The following TRPV2 variants were observed in gnomAD, a reference collection of about 807,000 sequenced individuals.
The protein encoded by TRPV2 is OTRPC2.
A neutral mutation model predicts 91.0 loss-of-function variants in TRPV2; 58 were observed. The ratio of observed to expected loss-of-function variants is 0.64; its 90% CI spans 0.52 to 0.79. TRPV2 has a LOEUF of 0.79. Ranked by LOEUF, TRPV2 falls within the 30% of genes least tolerant of loss-of-function variation. The probability of loss-of-function intolerance (pLI) is 0.00; values close to 1 mark genes in which losing one functional copy is unlikely to be tolerated. For missense variants in TRPV2, 807 were observed against 969.6 expected (o/e 0.83, Z 2.23); for synonymous variants, 417 against 414.8 (o/e 1.01, Z -0.06).
chr17:16,424,101 T>G (rs879724749), intron 5 of TRPV2, among the ~76,000 whole-genome samples: 2 of 151,972 alleles, frequency 1.3e-5, no homozygotes, highest in Non-Finnish European at 2.9e-5. Context: ...GCGATTCTCC[T>G]GCCTCAGCCT....
At chr17:16,434,750 A>C in intron 13 of TRPV2, 140 bp from the exon 14 acceptor site, 1 of 729,452 alleles carries the variant, frequency 1.4e-6, no homozygotes, top group Non-Finnish European at 2.2e-6. Context: ...TGCAGAGAAA[A>C]AGCCTGTCCT....
At position 16,426,274 on chromosome 17, in the gene TRPV2, G is replaced by A. The variant is rs201050432; in HGVS notation, c.1095+5G>A. On this transcript the variant is annotated splice_donor_5th_base_variant and intron_variant, in intron 6 of 14. Coordinates refer to ENST00000338560, the MANE Select transcript of TRPV2 (RefSeq NM_016113.5). The surrounding 1 kb of genome is among the most constrained non-coding windows in gnomAD (Gnocchi z 6.0). Reference sequence around the variant, plus strand: ...GCCTTTCATTGCAAGAGCCCGGTGAGCCCACAGGAGCATGGGTGCACGCAG... The same window carrying A: ...GCCTTTCATTGCAAGAGCCCGGTGAACCCACAGGAGCATGGGTGCACGCAG... 1.9e-6 allele frequency: 3 copies of A among 1,614,036 alleles called. No individual in the cohort carries two copies. The highest frequency in any genetic ancestry group is 2.5e-6 in the Non-Finnish European group (3 of 1,179,972).
chr17:16,431,898 AC>A (rs1160007778), intron 11 of TRPV2, 48 bp downstream of exon 11: 1 of 1,612,680 alleles, frequency 6.2e-7, no homozygotes, highest in Non-Finnish European at 8.5e-7. Context: ...TTCCTTGTCC[AC>A]CCTGTACACT....
In TRPV2 at chr17:16,418,641, A is replaced by T. The variant is rs1440385554; in HGVS notation, c.200+773A>T. On this transcript the variant is annotated intron_variant, in intron 2 of 14. Coordinates refer to ENST00000338560, the MANE Select transcript of TRPV2 (RefSeq NM_016113.5). ...AGATTCAGCACCAGGGTAGGGGAGGATGCATGAGGAGATTCTGGGAGCTGT... is the reference window on the plus strand; with the variant it reads ...AGATTCAGCACCAGGGTAGGGGAGGTTGCATGAGGAGATTCTGGGAGCTGT... 2.6e-5 allele frequency among the ~76,000 whole-genome samples: 4 copies of T among 151,974 alleles called. No homozygotes were observed. In the East Asian group the frequency reaches 7.7e-4, roughly 29 times the overall value.
At chr17:16,417,477 G>C (rs2093336413) in intron 1 of TRPV2, 85 bp from the exon 2 acceptor site, 1 of 552,922 alleles carries the variant, frequency 1.8e-6, no homozygotes, top group East Asian at 3.2e-5. Context: ...CAGCTGACCA[G>C]CCAGCCTCAG....
chr17:16,436,766 C>A, intron 14 of TRPV2, 23 bp from the exon 15 acceptor site: 2 of 1,568,188 alleles, frequency 1.3e-6, no homozygotes, highest in Non-Finnish European at 1.8e-6. Context: ...GGTTAAGCTA[C>A]AGTGCTTGCC....
intron 10 of TRPV2, among the ~76,000 whole-genome samples, chr17:16,429,196 G>A (rs1343007609): frequency 6.6e-6 from 1 of 152,242 alleles, no homozygotes; most frequent in East Asian, 1.9e-4. Flanking sequence ...ATGTGTGTTT[G>A]CAGGTGTCCA....
chr17:16,434,571 T>C (rs1243893019), intron 13 of TRPV2: 3 of 289,628 alleles, frequency 1.0e-5, no homozygotes, highest in Non-Finnish European at 1.9e-5. Context: ...GGAGCAGCCA[T>C]GATAGGCCCC....
At chr17:16,425,970 T>C (rs2093381036) in intron 5 of TRPV2, 129 bp from the exon 6 acceptor site, 1 of 932,840 alleles carries the variant, frequency 1.1e-6, no homozygotes, top group Admixed American at 2.1e-5. Flanking sequence ...TGTATGGGGG[T>C]ACGTGCACGT....
Position 16,428,969 on chromosome 17 carries a change from T to A in TRPV2, c.1574T>A (p.Val525Asp). ...TTCCAGCACACAGGCATCTACAGTG[T>A]CATGATCCAGAAGGTGAGAGAAGGG... ...RGFQHTGIYS[V>D]MIQKVILRDL... is the part of the protein sequence containing the mutation. Residue 525 changes from valine (V) to aspartate (D), a missense_variant, in exon 10 of 15, where the codon GTC (valine) becomes GAC (aspartate). Coordinates refer to ENST00000338560, the MANE Select transcript of TRPV2 (RefSeq NM_016113.5). 6.2e-7 allele frequency: 1 copy of A among 1,614,166 alleles called. No homozygotes were observed.
At chr17:16,422,496 C>A in intron 3 of TRPV2, 103 bp from the exon 4 acceptor site, 1 of 1,210,364 alleles carries the variant, frequency 8.3e-7, no homozygotes, top group Non-Finnish European at 1.2e-6. Context: ...TCTTTTAATC[C>A]TCCCAAGGGG....
In TRPV2 at chr17:16,415,932, C is replaced by T. The variant is rs2093328408; in HGVS notation, c.-108+99C>T. 1 of 152,184 alleles carries T rather than the reference C, an allele frequency of 6.6e-6. No individual in the cohort carries two copies. Among genetic ancestry groups the T allele is most frequent in the Admixed American group, 6.5e-5 (1 of 15,268 alleles). The allele number at this position is 152,184 out of a possible 1,614,324, so 9.4% of individuals were successfully genotyped here. On this transcript the variant is annotated intron_variant, in intron 1 of 14. Transcript: ENST00000338560. This position sits in a 1 kb window ranked among gnomAD's most constrained non-coding sequence, Gnocchi z 4.5. The stretch of plus-strand genomic sequence containing the variant: ...GGAAGGCCTAGTGGGCTCCTGGCTT[C>T]TACAGCCTGGAGCCAGGGTCTGTGT...
intron 2 of TRPV2, chr17:16,419,314 A>G (rs1158622911): frequency 6.4e-6 from 3 of 470,428 alleles, no homozygotes; most frequent in Non-Finnish European, 8.8e-6. Context: ...AAGCTACCAG[A>G]TCCCTTCCGG....
At position 16,433,644 on chromosome 17, in the gene TRPV2, T is replaced by A; in HGVS notation, c.2060T>A (p.Met687Lys). The change falls in exon 13 of 15, where the codon ATG becomes AAG. Residue 687 changes from methionine to lysine, a missense_variant. Coordinates refer to ENST00000338560, the MANE Select transcript of TRPV2 (RefSeq NM_016113.5). ...WCRKKQRAGV[M>K]LTVGTKPDGS... is the part of the protein sequence containing the mutation. ...AGGAAGAAGCAGCGGGCAGGTGTGA[T>A]GCTGACCGTTGGCACTAAGCCAGAT... 1 of 1,614,186 alleles carries A rather than the reference T, an allele frequency of 6.2e-7. No homozygotes were observed. The highest frequency in any genetic ancestry group is 8.5e-7 in the Non-Finnish European group (1 of 1,180,032).
chr17:16,426,121 G>A lies in TRPV2; in HGVS notation c.947G>A (p.Arg316Gln). 1.2e-6 allele frequency: 2 copies of A among 1,614,198 alleles called. No homozygotes were observed. Among genetic ancestry groups the A allele is most frequent in the Non-Finnish European group, 1.7e-6 (2 of 1,180,028 alleles). ...CAGATTTTCAGGCACATCCTGCAGC[G>A]GGAGTTTTCAGGACTGAGCCACCTT... ...KIEIFRHILQ[R>Q]EFSGLSHLSR... The change falls in exon 6 of 15, where the codon CGG becomes CAG. Residue 316 changes from arginine (R) to glutamine (Q), a missense_variant. Arg to Gln is a conservative substitution (Grantham distance 43). Coordinates refer to ENST00000338560, the MANE Select transcript of TRPV2 (RefSeq NM_016113.5). This position sits in a 1 kb window ranked among gnomAD's most constrained non-coding sequence, Gnocchi z 6.0.
At chr17:16,430,663 T>A (rs1288599530) in intron 10 of TRPV2, among the ~76,000 whole-genome samples, 2 of 152,058 alleles carry the variant, frequency 1.3e-5, no homozygotes, top group Non-Finnish European at 2.9e-5. Context: ...TTTTTTTTAT[T>A]TTTAGTAGAG....
chr17:16,421,976 A>C (rs1003251263), intron 3 of TRPV2, among the ~76,000 whole-genome samples: 1 of 152,104 alleles, frequency 6.6e-6, no homozygotes. Context: ...TCTGCTGTAG[A>C]CAGCATTTCA....
rs2093430125 is a variant in TRPV2, at chr17:16,435,182, A to G, written c.2194+213A>G. Reference sequence around the variant, plus strand: ...CACACCTTGCTTTCAGGCAGGAACCAGGGGAAACCTCTGAGGCTGTTAGCG... The same window carrying G: ...CACACCTTGCTTTCAGGCAGGAACCGGGGGAAACCTCTGAGGCTGTTAGCG... On this transcript the variant is annotated intron_variant, in intron 14 of 14. Transcript: ENST00000338560. This position sits in a 1 kb window ranked among gnomAD's most constrained non-coding sequence, Gnocchi z 4.2. Among the ~76,000 whole-genome samples, 1 of 152,142 alleles carries G rather than the reference A, an allele frequency of 6.6e-6. No individual in the cohort carries two copies. The highest frequency in any genetic ancestry group is 1.5e-5 in the Non-Finnish European group (1 of 68,016).
intron 8 of TRPV2, 133 bp from the exon 9 acceptor site, chr17:16,428,183 GT>G: frequency 1.3e-6 from 1 of 765,880 alleles, no homozygotes; most frequent in Non-Finnish European, 2.3e-6. Flanking sequence ...GCTATCAGAA[GT>G]ATTCATGAGT....
Sources: gnomAD v4.1 joint callset for allele counts (sites outside exome capture counted in the v4.1 genomes callset) on GRCh38, gnomAD v4.1.1 for gene constraint, Gnocchi (gnomAD v3.1) non-coding constraint, MANE v1.5 for transcripts, NCBI Gene and HGNC (gene_info 2026-07-23, HGNC 2026-07-21) for gene names.